Variants in GADL1 observed in about 807,000 individuals in gnomAD.
The protein encoded by GADL1 is acidic amino acid decarboxylase GADL1.
Under a neutral mutation model 69.5 loss-of-function variants are expected in GADL1, and 71 were observed. That is an observed-to-expected ratio of 1.02 (90% CI 0.84 to 1.25). GADL1 has a LOEUF of 1.25. Among genes scored for constraint, GADL1 ranks in the 50% most tolerant of loss-of-function variants. The pLI, the probability that GADL1 is intolerant of heterozygous loss-of-function variation, is 0.00. For missense variants in GADL1, 737 were observed against 631.8 expected (o/e 1.17, Z -1.79); for synonymous variants, 254 against 214.4 (o/e 1.18, Z -1.62).
In GADL1 at chr3:30,857,749, C is replaced by G. The variant is rs192147128; in HGVS notation, c.211-608G>C. Among the ~76,000 whole-genome samples, 54 of 151,932 alleles carry G rather than the reference C, an allele frequency of 3.6e-4. 2 individuals are homozygous for G. In the East Asian group the frequency reaches 5.1e-3, roughly 14 times the overall value. ...GGTCCTTACAAAGATATAAAATGAT[C>G]CTTTACGATCTGCTTCTCCTGGTTT... On this transcript the variant is annotated intron_variant, in intron 2 of 14. Transcript: ENST00000282538.
At chr3:30,865,514 G>A (rs1050273775) in intron 1 of GADL1, among the ~76,000 whole-genome samples, 14 of 151,852 alleles carry the variant, frequency 9.2e-5, no homozygotes, top group African/African-American at 1.2e-4. Flanking sequence ...TTGAGATGCC[G>A]TCGCAGGTTG....
At chr3:30,871,959 T>C (rs936763522) in intron 1 of GADL1, among the ~76,000 whole-genome samples, 1 of 152,138 alleles carries the variant, frequency 6.6e-6, no homozygotes, top group Non-Finnish European at 1.5e-5. Context: ...CCTAATCTTT[T>C]CAAGAGAGTA....
chr3:30,856,044 TCTA>T (rs1435552385), intron 3 of GADL1, among the ~76,000 whole-genome samples: 1 of 151,876 alleles, frequency 6.6e-6, no homozygotes, highest in Non-Finnish European at 1.5e-5. Context: ...AACTGAAAAA[TCTA>T]CTGCATTAAA....
chr3:30,786,337 A>G lies in GADL1; in HGVS notation c.1302+18T>C. ...TGTTAACTGACAAAATCACAAGCAC[A>G]ATTATGCAATCACTTACTTCCATCA... On this transcript the variant is annotated intron_variant, in intron 13 of 14. Coordinates refer to ENST00000282538, the MANE Select transcript of GADL1 (RefSeq NM_207359.3). 6.6e-7 allele frequency: 1 copy of G among 1,505,026 alleles called. No individual in the cohort carries two copies. Among genetic ancestry groups the G allele is most frequent in the Admixed American group, 1.7e-5 (1 of 59,746 alleles). The allele number at this position is 1,505,026 out of a possible 1,614,324, so 93.2% of individuals were successfully genotyped here.
chr3:30,741,629 A>C (rs1274887028), intron 14 of GADL1, among the ~76,000 whole-genome samples: 2 of 152,136 alleles, frequency 1.3e-5, no homozygotes, highest in Non-Finnish European at 2.9e-5. Context: ...GACATCCAGA[A>C]GTGTTTTTGA....
chr3:30,797,476 T>C (rs1395017536), intron 12 of GADL1, among the ~76,000 whole-genome samples: 1 of 152,208 alleles, frequency 6.6e-6, no homozygotes, highest in Non-Finnish European at 1.5e-5. Context: ...GTTCTACATG[T>C]ATCAATTCCT....
chr3:30,841,993 T>C (rs1697973027), intron 8 of GADL1, among the ~76,000 whole-genome samples: 1 of 152,172 alleles, frequency 6.6e-6, no homozygotes. Flanking sequence ...AAATTCTTGA[T>C]GTAATCCACA....
Position 30,844,219 on chromosome 3 carries a change from G to C in GADL1, c.777C>G (p.Ala259=), listed in dbSNP as rs147572961. 1.7e-5 allele frequency: 28 copies of C among 1,612,492 alleles called. No homozygotes were observed. The African/African-American group carries it at 2.4e-4, about 14-fold the overall frequency. ...CTTTCTCCCCTCTCACCTCTTTTCT[G>C]GCTTGCCAGACTTGCTTCTCCAGTT... ...PEELEKQVWQ[A]RKEGAAPFLV... is the part of the protein sequence containing the mutation. The change falls in exon 8 of 15, where the codon GCC becomes GCG. Residue 259 remains alanine (A), a synonymous_variant. Coordinates refer to ENST00000282538, the MANE Select transcript of GADL1 (RefSeq NM_207359.3).
chr3:30,767,792 A>G (rs1395190300), intron 14 of GADL1, among the ~76,000 whole-genome samples: 1 of 152,210 alleles, frequency 6.6e-6, no homozygotes. Context: ...TACAAAGGAT[A>G]TTATTACTGA....
intron 11 of GADL1, among the ~76,000 whole-genome samples, chr3:30,817,432 A>C (rs1376708272): frequency 2.0e-5 from 3 of 152,202 alleles, no homozygotes; most frequent in African/African-American, 7.2e-5. Flanking sequence ...AGACATTTGA[A>C]GAACTCTACT....
At chr3:30,856,989 T>G in intron 3 of GADL1, 26 bp downstream of exon 3, 2 of 1,536,800 alleles carry the variant, frequency 1.3e-6, no homozygotes, top group Non-Finnish European at 8.8e-7. Context: ...GAGGTACAGA[T>G]CAAGGAAGTA....
At chr3:30,780,724 A>C (rs1696647632) in intron 13 of GADL1, among the ~76,000 whole-genome samples, 1 of 152,232 alleles carries the variant, frequency 6.6e-6, no homozygotes, top group African/African-American at 2.4e-5. Flanking sequence ...AAAATGCAAA[A>C]GGTCTATCAC....
chr3:30,801,211 C>T (rs1340173505), intron 11 of GADL1, 123 bp from the exon 12 acceptor site: 3 of 696,676 alleles, frequency 4.3e-6, no homozygotes, highest in African/African-American at 3.5e-5. Context: ...CTCACTTTGA[C>T]TGCCTTACAT....
intron 1 of GADL1, among the ~76,000 whole-genome samples, chr3:30,871,646 G>T (rs1280228095): frequency 6.6e-6 from 1 of 151,782 alleles, no homozygotes; most frequent in African/African-American, 2.4e-5. Flanking sequence ...GAGGGAACAT[G>T]TTCCCGTCAC....
chr3:30,871,042 AGTGTGTGTGTGTGTGTGTGT>A (rs4016178), intron 1 of GADL1, among the ~76,000 whole-genome samples: 12 of 141,478 alleles, frequency 8.5e-5, no homozygotes, highest in African/African-American at 3.2e-4. Context: ...AAGGCAGAAA[AGTGTGTGTGTGTGTGTGTGT>A]GTGTGTGTGT....
intron 1 of GADL1, among the ~76,000 whole-genome samples, chr3:30,874,022 A>G (rs566621707): frequency 8.0e-4 from 122 of 152,084 alleles, no homozygotes; most frequent in African/African-American, 2.7e-3. Flanking sequence ...ATTTAAATTA[A>G]AACAGATGGT....
chr3:30,795,949 A>G (rs1406730480), intron 12 of GADL1, among the ~76,000 whole-genome samples: 3 of 152,322 alleles, frequency 2.0e-5, no homozygotes, highest in Non-Finnish European at 4.4e-5. Flanking sequence ...AATGCTCACT[A>G]AAATGTTAAT....
chr3:30,820,395 G>T (rs190529654), intron 11 of GADL1, among the ~76,000 whole-genome samples: 46 of 152,068 alleles, frequency 3.0e-4, no homozygotes, highest in African/African-American at 1.1e-3. Flanking sequence ...CCAATATGAA[G>T]CTAGATATTA....
At chr3:30,737,944 A>G (rs941445071) in intron 14 of GADL1, among the ~76,000 whole-genome samples, 17 of 152,122 alleles carry the variant, frequency 1.1e-4, no homozygotes, top group Non-Finnish European at 2.1e-4. Context: ...CATAGTGACA[A>G]TGATGACAGC....
Sources: allele counts gnomAD v4.1 joint callset (sites outside exome capture counted in the v4.1 genomes callset), GRCh38; gene constraint gnomAD v4.1.1; transcripts MANE v1.5; gene names NCBI Gene and HGNC (gene_info 2026-07-23, HGNC 2026-07-21).